ZFHX4: variants seen among roughly 807,000 people sequenced by gnomAD.
The protein encoded by ZFHX4 is zinc finger homeobox protein 4.
Under a neutral mutation model 267.6 loss-of-function variants are expected in ZFHX4, and 56 were observed. That is an observed-to-expected ratio of 0.21 (90% confidence interval 0.17 to 0.26). ZFHX4 has a LOEUF of 0.26. Ranked by LOEUF, ZFHX4 falls within the 10% of genes least tolerant of loss-of-function variation. ZFHX4 has a pLI of 1.00. For missense variants in ZFHX4, 4,332 were observed against 4,420.0 expected (o/e 0.98, Z 0.56); for synonymous variants, 1,778 against 1,665.6 (o/e 1.07, Z -1.64).
chr8:76,855,598 G>C lies in ZFHX4; in HGVS notation c.8677G>C (p.Asp2893His). ...AAGCTTTTACATCACAGATGACCCGGATGACAACGCCGACCGCAGCGAAAC... is the reference window on the plus strand; with the variant it reads ...AAGCTTTTACATCACAGATGACCCGCATGACAACGCCGACCGCAGCGAAAC... The part of the protein sequence containing the change: ...DQSFYITDDP[D>H]DNADRSETSS... Residue 2893 changes from aspartate to histidine, a missense_variant, in exon 10 of 11, where the codon GAT becomes CAT. Coordinates refer to ENST00000651372, the MANE Select transcript of ZFHX4 (RefSeq NM_024721.5). 6.2e-7 allele frequency: 1 copy of C among 1,613,834 alleles called. No individual in the cohort carries two copies. The highest frequency in any genetic ancestry group is 1.3e-5 in the African/African-American group (1 of 75,018).
At chr8:76,691,486 C>G (rs1807822452) in intron 1 of ZFHX4, among the ~76,000 whole-genome samples, 2 of 152,052 alleles carry the variant, frequency 1.3e-5, no homozygotes, top group South Asian at 2.1e-4. Flanking sequence ...AGAATAACAC[C>G]TAGTTAAGAC....
At chr8:76,846,073 A>G (rs1316841444) in intron 6 of ZFHX4, among the ~76,000 whole-genome samples, 4 of 152,082 alleles carry the variant, frequency 2.6e-5, no homozygotes, top group African/African-American at 9.6e-5. Flanking sequence ...CCCTTATTTA[A>G]TAGGCATTTC....
intron 3 of ZFHX4, among the ~76,000 whole-genome samples, chr8:76,710,865 A>G (rs1808405048): frequency 6.6e-6 from 1 of 152,174 alleles, no homozygotes; most frequent in Non-Finnish European, 1.5e-5. Flanking sequence ...TTAGCTTAGA[A>G]GCATCATCTG....
chr8:76,848,742 A>G (rs377089574), intron 6 of ZFHX4, among the ~76,000 whole-genome samples: 3 of 152,144 alleles, frequency 2.0e-5, no homozygotes, highest in African/African-American at 7.2e-5. Context: ...TTATTGATGA[A>G]TCTTTCCAGG....
rs538688693 is a variant in ZFHX4, at chr8:76,735,427, T to C, written c.3093+27379T>C. Among the ~76,000 whole-genome samples, 251 of 152,210 alleles carry C rather than the reference T, an allele frequency of 1.6e-3. 1 individual carries two copies. In the Middle Eastern group the frequency reaches 0.017, roughly 10 times the overall value. ...TTCTATTTTCACACACAAAAAAGAATTAGAATTCAACAAAATTAGCAATAT... is the reference window on the plus strand; with the variant it reads ...TTCTATTTTCACACACAAAAAAGAACTAGAATTCAACAAAATTAGCAATAT... On this transcript the variant is annotated intron_variant, in intron 3 of 10. Coordinates refer to ENST00000651372, the MANE Select transcript of ZFHX4 (RefSeq NM_024721.5).
chr8:76,780,662 C>A (rs1414931980), intron 4 of ZFHX4, among the ~76,000 whole-genome samples: 1 of 152,086 alleles, frequency 6.6e-6, no homozygotes, highest in African/African-American at 2.4e-5. Flanking sequence ...TGTAAAGGCA[C>A]TGTAATGATT....
At chr8:76,754,437 C>A (rs377080596) in intron 3 of ZFHX4, among the ~76,000 whole-genome samples, 24 of 152,122 alleles carry the variant, frequency 1.6e-4, no homozygotes, top group Non-Finnish European at 2.1e-4. Context: ...TGTAGTGAGC[C>A]CAGATTGCGC....
chr8:76,784,139 G>A (rs934080166), intron 4 of ZFHX4, among the ~76,000 whole-genome samples: 1 of 151,990 alleles, frequency 6.6e-6, no homozygotes, highest in Admixed American at 6.6e-5. Context: ...CCAAGTCACA[G>A]CTGTGTATGC....
In ZFHX4 at chr8:76,722,607, G is replaced by GTTTT. The variant is rs57934650; in HGVS notation, c.3093+14566_3093+14569dup. Among the ~76,000 whole-genome samples, 18 of 144,618 alleles carry GTTTT rather than the reference G, an allele frequency of 1.2e-4. No individual in the cohort carries two copies. The East Asian group carries it at 1.8e-3, about 14-fold the overall frequency. The allele number at this position is 144,618 out of a possible 152,430, so 94.9% of individuals were successfully genotyped here. A position where few individuals can be genotyped will look rare whatever the true frequency, so the allele number is the denominator to read the frequency against. ...CAACTGACTTTCTCACTTTTTATGT[G>GTTTT]TTTTTTTTTTGCAAGAATTTCTGTA... On this transcript the variant is annotated intron_variant, in intron 3 of 10. Transcript: ENST00000651372.
At chr8:76,721,143 A>AT (rs1808711264) in intron 3 of ZFHX4, among the ~76,000 whole-genome samples, 1 of 152,144 alleles carries the variant, frequency 6.6e-6, no homozygotes, top group Non-Finnish European at 1.5e-5. Flanking sequence ...AAAGGTAAAG[A>AT]TTTAGAGTCT....
intron 3 of ZFHX4, among the ~76,000 whole-genome samples, chr8:76,709,106 T>C (rs1808355584): frequency 1.3e-5 from 2 of 152,196 alleles, no homozygotes; most frequent in African/African-American, 4.8e-5. Context: ...CTATTTAAAA[T>C]TATAACCACA....
chr8:76,706,065 G>A lies in ZFHX4; in HGVS notation c.1977G>A (p.Leu659=), dbSNP rs1808258564. ...CNWHYKYQQT[L]EAHMKEKHPE... ...GGCACTACAAATATCAGCAGACCCT[G>A]GAGGCCCATATGAAGGAGAAACACC... Residue 659 remains leucine (L), a synonymous_variant, in exon 2 of 11, where the codon CTG becomes CTA. Transcript: ENST00000651372. The A allele has an allele frequency of 6.2e-7, 1 of 1,613,614 alleles. No individual in the cohort carries two copies. Among genetic ancestry groups the A allele is most frequent in the Admixed American group, 1.7e-5 (1 of 59,978 alleles).
chr8:76,792,746 T>G (rs79247848), intron 4 of ZFHX4, among the ~76,000 whole-genome samples: 4 of 152,208 alleles, frequency 2.6e-5, no homozygotes, highest in Non-Finnish European at 5.9e-5. Context: ...GGTTCTTAAG[T>G]AGAGAAACTA....
intron 3 of ZFHX4, among the ~76,000 whole-genome samples, chr8:76,774,189 C>T (rs1431404382): frequency 6.6e-6 from 1 of 152,058 alleles, no homozygotes; most frequent in Non-Finnish European, 1.5e-5. Context: ...AGGGCTTTGT[C>T]TGAAGTGGCA....
At chr8:76,839,236 G>A (rs1812173455) in intron 5 of ZFHX4, among the ~76,000 whole-genome samples, 1 of 152,154 alleles carries the variant, frequency 6.6e-6, no homozygotes, top group African/African-American at 2.4e-5. Flanking sequence ...TTGTTCAAAT[G>A]AAAATACTCT....
intron 4 of ZFHX4, among the ~76,000 whole-genome samples, chr8:76,781,186 G>T (rs566040361): frequency 7.9e-5 from 12 of 152,110 alleles, no homozygotes; most frequent in Middle Eastern, 3.4e-3. Context: ...TCATCCAGTG[G>T]TTTTTGTTGT....
chr8:76,695,979 A>C (rs1312867845), intron 1 of ZFHX4, among the ~76,000 whole-genome samples: 1 of 152,196 alleles, frequency 6.6e-6, no homozygotes, highest in East Asian at 1.9e-4. Flanking sequence ...ATTGCATTGA[A>C]GAAGAGTTCA....
intron 3 of ZFHX4, among the ~76,000 whole-genome samples, chr8:76,713,512 A>T (rs1324109629): frequency 6.6e-6 from 1 of 152,172 alleles, no homozygotes; most frequent in African/African-American, 2.4e-5. Context: ...GTCTTTTCTT[A>T]ACCAACGCCA....
intron 3 of ZFHX4, among the ~76,000 whole-genome samples, chr8:76,775,294 A>C (rs1810373772): frequency 6.6e-6 from 1 of 152,184 alleles, no homozygotes; most frequent in Non-Finnish European, 1.5e-5. Context: ...GAACTGATGG[A>C]AGTAATTGGT....
Sources: allele counts gnomAD v4.1 joint callset (sites outside exome capture counted in the v4.1 genomes callset), GRCh38; gene constraint gnomAD v4.1.1; transcripts MANE v1.5; gene names NCBI Gene and HGNC (gene_info 2026-07-23, HGNC 2026-07-21).